CACNB4: variants seen among roughly 807,000 people sequenced by gnomAD.
CACNB4 encodes calcium voltage-gated channel auxiliary subunit beta 4.
In CACNB4, 32 loss-of-function variants were observed where a neutral mutation model predicts 71.2. That is an observed-to-expected ratio of 0.45 (90% CI 0.34 to 0.60). The LOEUF (loss-of-function observed/expected upper bound fraction) is 0.60. Among genes scored for constraint, CACNB4 ranks in the 20% least tolerant of loss-of-function variants. The probability of loss-of-function intolerance (pLI) is 0.01; values close to 1 mark genes in which losing one functional copy is unlikely to be tolerated. For synonymous variants in CACNB4, 231 were observed against 236.9 expected, an observed-to-expected ratio of 0.97 and a Z score of 0.23; for missense variants, 464 against 647.9, an observed-to-expected ratio of 0.72 and a Z score of 3.08.
chr2:152,087,202 G>T (rs914776847), intron 2 of CACNB4, among the ~76,000 whole-genome samples: 2 of 151,752 alleles, frequency 1.3e-5, no homozygotes, highest in Non-Finnish European at 2.9e-5. Flanking sequence ...GGAGGCCAAG[G>T]CCTGATCACC....
At chr2:151,955,432 C>T (rs754994225) in intron 2 of CACNB4, among the ~76,000 whole-genome samples, 45 of 152,096 alleles carry the variant, frequency 3.0e-4, no homozygotes, top group Admixed American at 1.3e-4. Flanking sequence ...TTGATCCTTG[C>T]CCTCTAGAGT....
chr2:151,984,639 A>G (rs1180863563), intron 2 of CACNB4, among the ~76,000 whole-genome samples: 1 of 152,166 alleles, frequency 6.6e-6, no homozygotes, highest in Non-Finnish European at 1.5e-5. Flanking sequence ...TTCCTTTCAC[A>G]TTCAGCCTTT....
chr2:152,026,390 T>TTTC (rs959903387), intron 2 of CACNB4, among the ~76,000 whole-genome samples: 3 of 150,926 alleles, frequency 2.0e-5, no homozygotes, highest in African/African-American at 7.3e-5. Flanking sequence ...TTTTTTTTTT[T>TTTC]TTCTTCTTCT....
At chr2:151,899,539 G>A (rs1204395627) in intron 2 of CACNB4, among the ~76,000 whole-genome samples, 2 of 152,126 alleles carry the variant, frequency 1.3e-5, no homozygotes, top group Non-Finnish European at 2.9e-5. Context: ...ATGCTTAATT[G>A]TTTAGTTTTA....
chr2:152,039,178 G>A (rs1684749185), intron 2 of CACNB4, among the ~76,000 whole-genome samples: 1 of 152,104 alleles, frequency 6.6e-6, no homozygotes, highest in South Asian at 2.1e-4. Flanking sequence ...CAGCACTCTG[G>A]GAGGCCGAGG....
At chr2:151,941,275 ATT>A (rs11346045) in intron 2 of CACNB4, among the ~76,000 whole-genome samples, 3,895 of 112,244 alleles carry the variant, frequency 0.035, 61 homozygotes, top group South Asian at 0.11. Context: ...AAAATGGTTA[ATT>A]TTTTTTTTTT....
chr2:152,047,611 T>C (rs1045043645), intron 2 of CACNB4, among the ~76,000 whole-genome samples: 28 of 152,280 alleles, frequency 1.8e-4, no homozygotes, highest in African/African-American at 6.3e-4. Context: ...CCCTCAGTTG[T>C]AGCCAGGCAC....
chr2:152,096,401 G>A (rs915468114), intron 2 of CACNB4, among the ~76,000 whole-genome samples: 10 of 152,194 alleles, frequency 6.6e-5, no homozygotes, highest in African/African-American at 9.6e-5. Flanking sequence ...GGAGAATGGC[G>A]TGAACCCAGG....
chr2:151,946,072 T>G (rs2099865516), intron 2 of CACNB4, among the ~76,000 whole-genome samples: 1 of 152,098 alleles, frequency 6.6e-6, no homozygotes, highest in South Asian at 2.1e-4. Context: ...CTCACGGCTG[T>G]AATCCTAGCA....
chr2:152,067,690 A>G (rs1686422545), intron 2 of CACNB4, among the ~76,000 whole-genome samples: 1 of 152,204 alleles, frequency 6.6e-6, no homozygotes, highest in East Asian at 1.9e-4. Flanking sequence ...CCTCTGGATC[A>G]TGGAGCTAGA....
At chr2:152,047,469 G>C (rs953982686) in intron 2 of CACNB4, among the ~76,000 whole-genome samples, 1 of 152,098 alleles carries the variant, frequency 6.6e-6, no homozygotes, top group East Asian at 1.9e-4. Context: ...ATCCACATAC[G>C]ACCTGTAACC....
Position 151,841,911 on chromosome 2 carries a change from C to T in CACNB4, c.1294G>A (p.Gly432Arg), listed in dbSNP as rs1355837797. The T allele has an allele frequency of 3.1e-6, 5 of 1,613,194 alleles. No individual in the cohort carries two copies. The highest frequency in any genetic ancestry group is 4.2e-6 in the Non-Finnish European group (5 of 1,179,718). ...TGAAAAAGTGACAATACCTGTAACCCAGAAATTGCTGTGGGATATGGTGAG... is the reference window on the plus strand; with the variant it reads ...TGAAAAAGTGACAATACCTGTAACCTAGAAATTGCTGTGGGATATGGTGAG... ...ALSPYPTAIS[G>R]LQSQRMRHSN... is the part of the protein sequence containing the mutation. The change falls in exon 13 of 14, where the codon GGG becomes AGG. Residue 432 changes from glycine to arginine, a missense_variant. Around this residue, in one of 3 missense-constraint regions of CACNB4, gnomAD observed 115 missense variants for 128.8 expected, o/e 0.89. Coordinates refer to ENST00000539935, the MANE Select transcript of CACNB4 (RefSeq NM_000726.5).
intron 2 of CACNB4, among the ~76,000 whole-genome samples, chr2:151,983,890 C>T (rs2099875166): frequency 6.6e-6 from 1 of 152,146 alleles, no homozygotes; most frequent in Non-Finnish European, 1.5e-5. Flanking sequence ...GGAGAGCAAG[C>T]TATAAATACT....
At chr2:151,951,426 C>T (rs1052280027) in intron 2 of CACNB4, among the ~76,000 whole-genome samples, 4 of 152,110 alleles carry the variant, frequency 2.6e-5, no homozygotes, top group African/African-American at 9.7e-5. Flanking sequence ...CAGCACACAG[C>T]CCCAGACGAC....
chr2:152,047,179 T>C (rs984272338), intron 2 of CACNB4, among the ~76,000 whole-genome samples: 3 of 152,234 alleles, frequency 2.0e-5, no homozygotes, highest in African/African-American at 7.2e-5. Context: ...CTTGGTTCCC[T>C]ATAGAAACTA....
intron 2 of CACNB4, among the ~76,000 whole-genome samples, chr2:151,961,220 C>T (rs1246242804): frequency 6.6e-6 from 1 of 152,084 alleles, no homozygotes; most frequent in African/African-American, 2.4e-5. Flanking sequence ...TGGAGAGATC[C>T]CAAAAATTAT....
At chr2:151,894,748 T>C (rs1049091080) in intron 2 of CACNB4, among the ~76,000 whole-genome samples, 17 of 152,116 alleles carry the variant, frequency 1.1e-4, no homozygotes, top group African/African-American at 3.6e-4. Context: ...ATCAGTAGTG[T>C]TTCTATACAC....
chr2:152,036,426 A>C (rs1427070443), intron 2 of CACNB4, among the ~76,000 whole-genome samples: 5 of 152,064 alleles, frequency 3.3e-5, no homozygotes, highest in Admixed American at 6.5e-5. Context: ...CCGCCTCCCA[A>C]GTAGCTGGGA....
intron 2 of CACNB4, among the ~76,000 whole-genome samples, chr2:151,976,795 C>T (rs1237461713): frequency 6.6e-6 from 1 of 152,184 alleles, no homozygotes. Flanking sequence ...TGAGACCAGG[C>T]TGAGAAGTAG....
Sources: gnomAD v4.1 joint callset for allele counts (sites outside exome capture counted in the v4.1 genomes callset) on GRCh38, gnomAD v4.1.1 for gene constraint, gnomAD v4.1.1 regional missense constraint, MANE v1.5 for transcripts, NCBI Gene and HGNC (gene_info 2026-07-23, HGNC 2026-07-21) for gene names.